Variants in TBC1D9 observed in about 807,000 individuals in gnomAD.
TBC1D9 encodes the protein TBC1 domain family member 9A.
TBC1D9 carries 63 observed loss-of-function variants against 132.0 expected under a neutral mutation model. The observed-to-expected ratio is 0.48, with a 90% CI of 0.39 to 0.59. The LOEUF is 0.59. Among genes scored for constraint, TBC1D9 ranks in the 20% least tolerant of loss-of-function variants. The pLI is 0.00. For synonymous variants in TBC1D9, 610 were observed against 609.9 expected (o/e 1.00, Z 0.00); for missense variants, 1,261 against 1,592.7 (o/e 0.79, Z 3.54).
intron 2 of TBC1D9, among the ~76,000 whole-genome samples, chr4:140,699,328 C>T (rs1395829185): frequency 1.3e-5 from 2 of 152,158 alleles, no homozygotes; most frequent in Non-Finnish European, 2.9e-5. Context: ...GTATGGACTG[C>T]ACATAGTGAT....
intron 6 of TBC1D9, among the ~76,000 whole-genome samples, chr4:140,671,674 C>CTCTGTGTGTGTGTG (rs1361183971): frequency 7.1e-6 from 1 of 141,722 alleles, no homozygotes; most frequent in African/African-American, 2.8e-5. Flanking sequence ...AACTACCAGA[C>CTCTGTGTGTGTGTG]TGTGTGTGTG....
chr4:140,655,354 C>G (rs1405774937), intron 13 of TBC1D9, among the ~76,000 whole-genome samples: 1 of 151,398 alleles, frequency 6.6e-6, no homozygotes, highest in Non-Finnish European at 1.5e-5. Flanking sequence ...GAAAAGATTT[C>G]TATATCCATA....
chr4:140,751,681 C>A (rs1738925914), intron 1 of TBC1D9, among the ~76,000 whole-genome samples: 1 of 152,232 alleles, frequency 6.6e-6, no homozygotes, highest in East Asian at 1.9e-4. Context: ...GAAGATTTTG[C>A]CACACATGTA....
At chr4:140,686,499 A>C in intron 2 of TBC1D9, 37 bp from the exon 3 acceptor site, 43 of 1,320,196 alleles carry the variant, frequency 3.3e-5, no homozygotes, top group Non-Finnish European at 4.3e-5. Context: ...GTCAGATTTC[A>C]TGCCAAAGAT....
chr4:140,730,009 T>C (rs934977365), intron 1 of TBC1D9, among the ~76,000 whole-genome samples: 1 of 152,088 alleles, frequency 6.6e-6, no homozygotes, highest in Non-Finnish European at 1.5e-5. Flanking sequence ...AAATTCTCCA[T>C]TTTAGCAAGA....
intron 1 of TBC1D9, among the ~76,000 whole-genome samples, chr4:140,742,977 G>A (rs75264148): frequency 0.013 from 2,030 of 151,950 alleles, 24 homozygotes; most frequent in Non-Finnish European, 0.021. Context: ...GTATCAGGAA[G>A]GGAGGAAAAG....
intron 9 of TBC1D9, among the ~76,000 whole-genome samples, chr4:140,662,351 T>C (rs1290947964): frequency 1.3e-5 from 2 of 152,160 alleles, no homozygotes; most frequent in East Asian, 3.9e-4. Context: ...AGGTAGAGGT[T>C]CCCAAGCTAC....
At chr4:140,708,847 A>G (rs1738186525) in intron 1 of TBC1D9, among the ~76,000 whole-genome samples, 2 of 152,184 alleles carry the variant, frequency 1.3e-5, no homozygotes, top group South Asian at 4.2e-4. Context: ...GGTACAATGT[A>G]TTGTTCTGTT....
At chr4:140,705,983 T>C (rs1578849125) in intron 1 of TBC1D9, among the ~76,000 whole-genome samples, 1 of 152,340 alleles carries the variant, frequency 6.6e-6, no homozygotes, top group East Asian at 1.9e-4. Context: ...AGAAAACACT[T>C]GGCAAAATTG....
chr4:140,659,845 G>A lies in TBC1D9; in HGVS notation c.1804-140C>T, dbSNP rs1737329607. ...AGCGAGATAAATATGTTTAGGCTTT[G>A]GAGGCTTTACACATAGTCTCTGTCA... On this transcript the variant is annotated intron_variant, in intron 10 of 20. Coordinates refer to ENST00000442267, the MANE Select transcript of TBC1D9 (RefSeq NM_015130.3). The A allele has an allele frequency of 8.1e-6, 5 of 616,778 alleles. No individual in the cohort carries two copies. In the East Asian group the frequency reaches 8.3e-5, roughly 10 times the overall value. The allele number at this position is 616,778 out of a possible 1,614,324, so 38.2% of individuals were successfully genotyped here. A position where few individuals can be genotyped will look rare whatever the true frequency, so the allele number is the denominator to read the frequency against.
intron 1 of TBC1D9, among the ~76,000 whole-genome samples, chr4:140,717,723 C>G (rs1278121054): frequency 6.6e-6 from 1 of 152,040 alleles, no homozygotes. Flanking sequence ...TCAGGTGCAG[C>G]GTGAAGATTA....
chr4:140,710,050 T>A (rs1361683563), intron 1 of TBC1D9, among the ~76,000 whole-genome samples: 1 of 152,178 alleles, frequency 6.6e-6, no homozygotes. Context: ...GCAGTCATGT[T>A]CTTGGGACTG....
chr4:140,657,291 A>T, intron 12 of TBC1D9, 65 bp from the exon 13 acceptor site: 1 of 1,556,162 alleles, frequency 6.4e-7, no homozygotes, highest in Non-Finnish European at 8.7e-7. Flanking sequence ...ATAATTCTCC[A>T]ATCATTTTCT....
At chr4:140,712,711 C>T (rs925290652) in intron 1 of TBC1D9, among the ~76,000 whole-genome samples, 1 of 150,962 alleles carries the variant, frequency 6.6e-6, no homozygotes, top group African/African-American at 2.4e-5. Flanking sequence ...CCATTGTACT[C>T]CAGCCCGGGC....
intron 1 of TBC1D9, among the ~76,000 whole-genome samples, chr4:140,754,846 T>C (rs893559578): frequency 2.0e-5 from 3 of 152,068 alleles, no homozygotes; most frequent in Non-Finnish European, 4.4e-5. Context: ...TTGTACCACA[T>C]GACACCTGAA....
chr4:140,729,896 CT>C (rs909289301), intron 1 of TBC1D9, among the ~76,000 whole-genome samples: 4 of 135,622 alleles, frequency 2.9e-5, no homozygotes, highest in Non-Finnish European at 6.3e-5. Context: ...TATTTTTTGT[CT>C]TTTTTTCCCC....
chr4:140,653,060 C>T (rs944515572), intron 13 of TBC1D9, among the ~76,000 whole-genome samples: 4 of 151,038 alleles, frequency 2.6e-5, no homozygotes, highest in African/African-American at 7.3e-5. Flanking sequence ...TATTACTCTG[C>T]TCAAAGTGCA....
intron 1 of TBC1D9, among the ~76,000 whole-genome samples, chr4:140,710,991 GGCT>G (rs1171666790): frequency 3.3e-5 from 5 of 152,168 alleles, no homozygotes; most frequent in Non-Finnish European, 7.3e-5. Flanking sequence ...GCAGTGTGTT[GGCT>G]CATTCTTTCC....
chr4:140,631,035 G>A (rs1736786703), intron 16 of TBC1D9, among the ~76,000 whole-genome samples: 1 of 152,078 alleles, frequency 6.6e-6, no homozygotes, highest in Non-Finnish European at 1.5e-5. Flanking sequence ...CACACTTTTG[G>A]GTGCAGTGTT....
Sources: allele counts gnomAD v4.1 joint callset (sites outside exome capture counted in the v4.1 genomes callset), GRCh38; gene constraint gnomAD v4.1.1; transcripts MANE v1.5; gene names NCBI Gene and HGNC (gene_info 2026-07-23, HGNC 2026-07-21).